Variants in PCYT1B observed in about 807,000 individuals in gnomAD.
PCYT1B encodes the protein choline-phosphate cytidylyltransferase B.
A neutral mutation model predicts 26.4 loss-of-function variants in PCYT1B; 10 were observed. That is an observed-to-expected ratio of 0.38 (90% confidence interval 0.23 to 0.64). PCYT1B has a LOEUF of 0.64. PCYT1B is among the 30% of genes least tolerant of loss of function. The pLI is 0.56. For synonymous variants in PCYT1B, 131 were observed against 108.4 expected (o/e 1.21, Z -1.29); for missense variants, 161 against 292.7 (o/e 0.55, Z 3.28).
Position 24,559,329 on chromosome X carries a change from A to AAAG in PCYT1B, c.*2963_*2964insCTT, listed in dbSNP as rs1207073736. 9.2e-6 allele frequency: 1 copy of AAAG among 108,674 alleles called. No homozygotes were observed. Among genetic ancestry groups the AAAG allele is most frequent in the African/African-American group, 3.3e-5 (1 of 29,931 alleles). The allele number at this position is 108,674 out of a possible 1,213,427, so 9.0% of individuals were successfully genotyped here. Reference sequence around the variant, plus strand: ...CAAAACTCCATCTCAAAAAAAAAAAAAAAGAAAGAAAGAAGAAAGAACAAA... The same window carrying AAAG: ...CAAAACTCCATCTCAAAAAAAAAAAAAAGAAAGAAAGAAAGAAGAAAGAACAAA... On this transcript the variant is annotated 3_prime_UTR_variant, in exon 8 of 8. Transcript: ENST00000379144.
intron 1 of PCYT1B, among the ~76,000 whole-genome samples, chrX:24,641,217 G>A (rs1238091479): frequency 1.8e-5 from 2 of 112,221 alleles, no homozygotes; most frequent in East Asian, 5.6e-4. Context: ...ACAGGCATAA[G>A]CCACTGCGCC....
chrX:24,651,672 G>A (rs1926786054), upstream of PCYT1B, among the ~76,000 whole-genome samples: 1 of 103,555 alleles, frequency 9.7e-6, no homozygotes, highest in South Asian at 4.6e-4. Flanking sequence ...TACAGGACAC[G>A]CAACCACGCC....
chrX:24,665,967 G>C (rs1927119877), intron 1 of PCYT1B, among the ~76,000 whole-genome samples: 1 of 110,925 alleles, frequency 9.0e-6, no homozygotes, highest in South Asian at 4.0e-4. Context: ...CTGGCCTTCA[G>C]ACATCAGAAA....
intron 2 of PCYT1B, among the ~76,000 whole-genome samples, chrX:24,615,043 C>A (rs969493308): frequency 8.9e-6 from 1 of 111,992 alleles, no homozygotes; most frequent in Non-Finnish European, 1.9e-5. Flanking sequence ...TGGTCTTGAA[C>A]TCCTGACCTC....
intron 1 of PCYT1B, among the ~76,000 whole-genome samples, chrX:24,629,591 C>CAAAAA (rs1330878773): frequency 1.6e-4 from 11 of 67,108 alleles, no homozygotes; most frequent in Non-Finnish European, 2.6e-4. Context: ...AAAAAAAAAA[C>CAAAAA]AACACGTATT....
rs112105880 is a variant in PCYT1B, at chrX:24,608,512, C to T, written c.218-651G>A. Among the ~76,000 whole-genome samples, 50 of 111,944 alleles carry T rather than the reference C, an allele frequency of 4.5e-4. No individual in the cohort carries two copies. The East Asian group carries it at 6.5e-3, about 14-fold the overall frequency. On this transcript the variant is annotated intron_variant, in intron 2 of 7. Transcript: ENST00000379144. Reference sequence around the variant, plus strand: ...GGTATAATAAGAGATTAGGGACATACGCCTCAAAGGGAGGAGAGTCAGGAT... The same window carrying T: ...GGTATAATAAGAGATTAGGGACATATGCCTCAAAGGGAGGAGAGTCAGGAT...
At chrX:24,633,360 C>A (rs971800650) in intron 1 of PCYT1B, among the ~76,000 whole-genome samples, 3 of 108,921 alleles carry the variant, frequency 2.8e-5, no homozygotes, top group African/African-American at 1.0e-4. Flanking sequence ...TCACATGTAC[C>A]CCATTAAGTA....
chrX:24,568,811 G>A (rs954436558), intron 7 of PCYT1B, among the ~76,000 whole-genome samples: 4 of 111,357 alleles, frequency 3.6e-5, no homozygotes, highest in African/African-American at 1.3e-4. Flanking sequence ...ATAAAAATTT[G>A]GGGCCGGGCG....
intron 1 of PCYT1B, among the ~76,000 whole-genome samples, chrX:24,623,478 C>T (rs1218764841): frequency 9.3e-6 from 1 of 107,541 alleles, no homozygotes; most frequent in African/African-American, 3.4e-5. Flanking sequence ...GAAGCCCTGG[C>T]CCAGTGCCCT....
chrX:24,562,730 CTT>C (rs61009568), intron 7 of PCYT1B, among the ~76,000 whole-genome samples: 1,809 of 90,005 alleles, frequency 0.02, 41 homozygotes, highest in African/African-American at 0.064. Flanking sequence ...CTTTTTTTCT[CTT>C]TTTTTTTTTT....
intron 1 of PCYT1B, among the ~76,000 whole-genome samples, chrX:24,631,265 T>A (rs991019469): frequency 4.5e-5 from 5 of 111,588 alleles, no homozygotes; most frequent in Non-Finnish European, 3.8e-5. Context: ...GTGCCTTCCA[T>A]GTAAGGCAGA....
At chrX:24,623,251 C>G (rs1234582175) in intron 1 of PCYT1B, among the ~76,000 whole-genome samples, 1 of 109,030 alleles carries the variant, frequency 9.2e-6, no homozygotes, top group African/African-American at 3.3e-5. Context: ...CTCTTTTGAG[C>G]ATGAAAATCA....
rs1926271616 is a variant in PCYT1B, at chrX:24,636,416, C to G, written c.117+10573G>C. ...TCACCTGAGGTCAGGAGTTCAAGAC[C>G]AGGCTGGCCAACATGGTGAAACCTG... On this transcript the variant is annotated intron_variant, in intron 1 of 7. Coordinates refer to ENST00000379144, the MANE Select transcript of PCYT1B (RefSeq NM_004845.5). Among the ~76,000 whole-genome samples the G allele has an allele frequency of 2.7e-5, 3 of 112,015 alleles. No homozygotes were observed. In the South Asian group the frequency reaches 1.1e-3, roughly 42 times the overall value.
At chrX:24,594,336 G>T (rs1404699576) in intron 3 of PCYT1B, among the ~76,000 whole-genome samples, 1 of 111,073 alleles carries the variant, frequency 9.0e-6, no homozygotes, top group Non-Finnish European at 1.9e-5. Flanking sequence ...TTCTTTATGG[G>T]CCATGCAATA....
intron 1 of PCYT1B, among the ~76,000 whole-genome samples, chrX:24,638,585 C>T (rs1164153515): frequency 1.8e-5 from 2 of 111,499 alleles, no homozygotes; most frequent in East Asian, 5.6e-4. Context: ...ACCTTCCTTG[C>T]TTTTTTTTCC....
chrX:24,646,924 G>T, intron 1 of PCYT1B, 65 bp downstream of exon 1: 1 of 876,087 alleles, frequency 1.1e-6, no homozygotes, highest in Non-Finnish European at 1.7e-6. Context: ...CGCTGGCTGC[G>T]GGCGCATAAG....
At chrX:24,646,389 A>G (rs1367735660) in intron 1 of PCYT1B, among the ~76,000 whole-genome samples, 1 of 111,902 alleles carries the variant, frequency 8.9e-6, no homozygotes. Flanking sequence ...CACTACCTGA[A>G]GAGAAACCCT....
At chrX:24,572,259 C>T (rs747648673) in intron 7 of PCYT1B, among the ~76,000 whole-genome samples, 18 of 101,519 alleles carry the variant, frequency 1.8e-4, no homozygotes, top group African/African-American at 2.9e-4. Context: ...CATACACACA[C>T]GCGCGCGCAC....
At chrX:24,608,439 T>C (rs753285178) in intron 2 of PCYT1B, among the ~76,000 whole-genome samples, 26 of 111,759 alleles carry the variant, frequency 2.3e-4, no homozygotes, top group Non-Finnish European at 4.7e-4. Context: ...GGACCAGCTG[T>C]TAAACCTTTA....
Sources: allele counts gnomAD v4.1 joint callset (sites outside exome capture counted in the v4.1 genomes callset), GRCh38; gene constraint gnomAD v4.1.1; transcripts MANE v1.5; gene names NCBI Gene and HGNC (gene_info 2026-07-23, HGNC 2026-07-21).